The following ZNF460 variants were observed in gnomAD, a reference collection of about 807,000 sequenced individuals.
ZNF460 encodes zinc finger protein 460.
A neutral mutation model predicts 8.4 loss-of-function variants in ZNF460; 1 was observed. That is an observed-to-expected ratio of 0.12 (90% CI 0.04 to 0.56). The LOEUF (loss-of-function observed/expected upper bound fraction) is 0.56, where lower values mean the gene tolerates loss of function less well. Among genes scored for constraint, ZNF460 ranks in the 20% least tolerant of loss-of-function variants. The pLI, the probability that ZNF460 is intolerant of heterozygous loss-of-function variation, is 0.91. For missense variants in ZNF460, 477 were observed against 714.8 expected (o/e 0.67, Z 3.79); for synonymous variants, 262 against 259.9 (o/e 1.01, Z -0.08).
rs774284286 is a variant in ZNF460 at position 57,290,824 on chromosome 19, G to A, written c.283G>A (p.Asp95Asn). 3.1e-6 allele frequency: 5 copies of A among 1,614,168 alleles called. No individual in the cohort carries two copies. The Admixed American group carries it at 8.3e-5, about 27-fold the overall frequency. The change falls in exon 3 of 3, where the codon GAT (aspartate) becomes AAT (asparagine). Residue 95 changes from aspartate (D) to asparagine (N), a missense_variant. By Grantham distance (23) the Asp-to-Asn change is conservative. Around this residue, in one of 5 missense-constraint regions of ZNF460, gnomAD observed 169 missense variants for 178.6 expected, o/e 0.95. Transcript: ENST00000360338. ...ATACTCCTATTTGGGGCAGGCCATG[G>A]ATCAAGATGGGCCATCTGAAATGCA... is the stretch of plus-strand genomic sequence containing the variant. The part of the protein sequence containing the change: ...PRYSYLGQAM[D>N]QDGPSEMQEY...
chr19:57,280,307 C>T (rs1374498070), upstream of ZNF460: 1 of 157,254 alleles, frequency 6.4e-6, no homozygotes, highest in South Asian at 1.6e-4. Context: ...GGTGAGTTCC[C>T]ACACCCGGTA....
intron 1 of ZNF460, among the ~76,000 whole-genome samples, chr19:57,283,866 T>G (rs557341914): frequency 6.6e-6 from 1 of 152,104 alleles, no homozygotes; most frequent in South Asian, 2.1e-4. Context: ...CTCGGCGAAA[T>G]GAAATGAGGT....
chr19:57,286,469 T>C (rs1367575837), intron 2 of ZNF460, among the ~76,000 whole-genome samples: 1 of 152,086 alleles, frequency 6.6e-6, no homozygotes, highest in African/African-American at 2.4e-5. Flanking sequence ...TTCTCTGAGA[T>C]ACAACAATAA....
At chr19:57,288,873 T>G (rs1034103201) in intron 2 of ZNF460, among the ~76,000 whole-genome samples, 12 of 151,612 alleles carry the variant, frequency 7.9e-5, no homozygotes, top group Non-Finnish European at 1.2e-4. Flanking sequence ...AATCCACACA[T>G]TCTTTTTATT....
rs2087830829 is a variant in ZNF460 at position 57,280,657 on chromosome 19, C to T, written c.-150C>T. On this transcript the variant is annotated 5_prime_UTR_variant, in exon 1 of 3. Coordinates refer to ENST00000360338, the MANE Select transcript of ZNF460 (RefSeq NM_006635.4). ...CCGAGGCCTAGGCCTCCGCAGCCGC[C>T]CTCCGTCTCCTCAGCCCCGACGCTG... The T allele has an allele frequency of 8.6e-7, 1 of 1,165,654 alleles. No homozygotes were observed. The highest frequency in any genetic ancestry group is 1.2e-6 in the Non-Finnish European group (1 of 840,050). The allele number at this position is 1,165,654 out of a possible 1,614,324, so 72.2% of individuals were successfully genotyped here.
chr19:57,290,479 T>C (rs558508172), intron 2 of ZNF460, among the ~76,000 whole-genome samples: 46 of 152,018 alleles, frequency 3.0e-4, no homozygotes, highest in Middle Eastern at 3.5e-3. Context: ...GGTTTCACCA[T>C]GTTGGCCAGG....
chr19:57,284,736 C>T, intron 2 of ZNF460, 59 bp downstream of exon 2: 1 of 1,504,946 alleles, frequency 6.6e-7, no homozygotes, highest in Admixed American at 2.1e-5. Flanking sequence ...TTCATTCTAG[C>T]CTTCATCCTG....
intron 1 of ZNF460, among the ~76,000 whole-genome samples, chr19:57,284,202 T>C (rs1392670122): frequency 6.7e-6 from 1 of 150,150 alleles, no homozygotes; most frequent in East Asian, 2.1e-4. Flanking sequence ...CTTTATTTAT[T>C]TATTTATTTA....
chr19:57,286,381 A>G (rs540466811), intron 2 of ZNF460, among the ~76,000 whole-genome samples: 2 of 152,302 alleles, frequency 1.3e-5, no homozygotes, highest in African/African-American at 2.4e-5. Flanking sequence ...AGACAGCTTT[A>G]TCAATAAATG....
In ZNF460 at chr19:57,280,558, A is replaced by G. The variant is rs1020460484; in HGVS notation, c.-249A>G. Reference sequence around the variant, plus strand: ...AGCAGGGACGGGTAGTGAAGCGGTTACGCCCCTTCTTCGCGTCTTGGCGGG... The same window carrying G: ...AGCAGGGACGGGTAGTGAAGCGGTTGCGCCCCTTCTTCGCGTCTTGGCGGG... On this transcript the variant is annotated 5_prime_UTR_variant, in exon 1 of 3. Coordinates refer to ENST00000360338, the MANE Select transcript of ZNF460 (RefSeq NM_006635.4). 21 of 578,300 alleles carry G rather than the reference A, an allele frequency of 3.6e-5. No individual in the cohort carries two copies. The highest frequency in any genetic ancestry group is 6.2e-5 in the Non-Finnish European group (20 of 324,504). 35.8% of individuals were successfully genotyped at this position (578,300 alleles called of 1,614,324 possible).
intron 2 of ZNF460, among the ~76,000 whole-genome samples, chr19:57,288,543 A>G (rs2078600693): frequency 6.6e-6 from 1 of 152,154 alleles, no homozygotes. Flanking sequence ...ACAGAATCTG[A>G]GAGTTTCTGT....
In ZNF460 at chr19:57,290,924, G is replaced by A. The variant is rs760131726; in HGVS notation, c.383G>A (p.Gly128Asp). ...GGGAAAATGAGCCTTGAACACGAAGGTTTGGCGACAGCTGATGGTATTTGT... is the reference window on the plus strand; with the variant it reads ...GGGAAAATGAGCCTTGAACACGAAGATTTGGCGACAGCTGATGGTATTTGT... ...LHGKMSLEHE[G>D]LATADGICSM... The change falls in exon 3 of 3, where the codon GGT becomes GAT. Residue 128 changes from glycine (G) to aspartate (D), a missense_variant. Physicochemically the swap from Gly to Asp is moderately conservative, Grantham distance 94. Around this residue, in one of 5 missense-constraint regions of ZNF460, gnomAD observed 169 missense variants for 178.6 expected, o/e 0.95. Coordinates refer to ENST00000360338, the MANE Select transcript of ZNF460 (RefSeq NM_006635.4). 6.2e-7 allele frequency: 1 copy of A among 1,614,200 alleles called. No individual in the cohort carries two copies. Among genetic ancestry groups the A allele is most frequent in the Admixed American group, 1.7e-5 (1 of 60,028 alleles).
In ZNF460 at chr19:57,291,418, T is replaced by A; in HGVS notation, c.877T>A (p.Ser293Thr). ...NECGKAFTYR[S>T]NFVLHNKSHN... ...ATGTGGAAAGGCCTTTACCTACCGC[T>A]CCAATTTTGTCTTGCATAACAAGAG... is the stretch of plus-strand genomic sequence containing the variant. The change falls in exon 3 of 3, where the codon TCC (serine) becomes ACC (threonine). Residue 293 changes from serine to threonine, a missense_variant. This residue lies in a region of ZNF460 where 193 missense variants were observed against 391.7 expected (regional missense o/e 0.49). Transcript: ENST00000360338. The surrounding 1 kb of genome is among the most constrained non-coding windows in gnomAD (Gnocchi z 8.4). The A allele has an allele frequency of 1.9e-6, 3 of 1,613,898 alleles. No individual in the cohort carries two copies. The highest frequency in any genetic ancestry group is 2.5e-6 in the Non-Finnish European group (3 of 1,179,910).
intron 1 of ZNF460, among the ~76,000 whole-genome samples, chr19:57,283,757 C>T (rs925584583): frequency 5.9e-5 from 9 of 151,898 alleles, no homozygotes; most frequent in Non-Finnish European, 1.2e-4. Context: ...GTGCCTCAGC[C>T]TCCCAGAGTG....
Position 57,280,644 on chromosome 19 carries a change from C to G in ZNF460, c.-163C>G. The G allele has an allele frequency of 9.8e-7, 1 of 1,020,848 alleles. No individual in the cohort carries two copies. The highest frequency in any genetic ancestry group is 1.6e-5 in the South Asian group (1 of 61,354). 63.2% of individuals were successfully genotyped at this position (1,020,848 alleles called of 1,614,324 possible). On this transcript the variant is annotated 5_prime_UTR_variant, in exon 1 of 3. Transcript: ENST00000360338. ...CCACCGGCGCCCGCCGAGGCCTAGG[C>G]CTCCGCAGCCGCCCTCCGTCTCCTC... is the stretch of plus-strand genomic sequence containing the variant.
At chr19:57,290,669 A>G (rs1471946847) in intron 2 of ZNF460, 30 bp from the exon 3 acceptor site, 5 of 1,575,144 alleles carry the variant, frequency 3.2e-6, no homozygotes, top group African/African-American at 2.7e-5. Context: ...CTATCTTAAT[A>G]AGTTCTTTTG....
At chr19:57,285,531 G>T (rs748165113) in intron 2 of ZNF460, among the ~76,000 whole-genome samples, 15 of 152,110 alleles carry the variant, frequency 9.9e-5, no homozygotes, top group Non-Finnish European at 1.6e-4. Flanking sequence ...GGATAATAGG[G>T]CCATTGCAAT....
rs779474953 is a variant in ZNF460 at position 57,291,336 on chromosome 19, G to A, written c.795G>A (p.Ser265=). 172 of 1,612,730 alleles carry A rather than the reference G, an allele frequency of 1.1e-4. No individual in the cohort carries two copies. Among genetic ancestry groups the A allele is most frequent in the Admixed American group, 2.2e-4 (13 of 59,862 alleles). Residue 265 remains serine, a synonymous_variant, in exon 3 of 3, where the codon TCG becomes TCA. Coordinates refer to ENST00000360338, the MANE Select transcript of ZNF460 (RefSeq NM_006635.4). This position sits in a 1 kb window ranked among gnomAD's most constrained non-coding sequence, Gnocchi z 8.4. ...GTGGAAGGACCTTCAATCGCGGGTC[G>A]CACCTTACACGGCACCAGCGGGTTC... ...SECGRTFNRG[S]HLTRHQRVHS...
intron 1 of ZNF460, among the ~76,000 whole-genome samples, chr19:57,281,159 C>G (rs1182309623): frequency 5.3e-5 from 8 of 152,190 alleles, no homozygotes; most frequent in Non-Finnish European, 1.5e-5. Flanking sequence ...TTGCATTTTT[C>G]CCTGGTCCTT....
Sources: allele counts gnomAD v4.1 joint callset (sites outside exome capture counted in the v4.1 genomes callset), GRCh38; gene constraint gnomAD v4.1.1; regional missense constraint gnomAD v4.1.1; non-coding constraint Gnocchi (gnomAD v3.1); transcripts MANE v1.5; gene names NCBI Gene and HGNC (gene_info 2026-07-23, HGNC 2026-07-21).